ZNF407: variants seen among roughly 807,000 people sequenced by gnomAD.
ZNF407 encodes the protein zinc finger protein 407.
ZNF407 carries 17 observed loss-of-function variants against 131.2 expected under a neutral mutation model. The observed-to-expected ratio is 0.13, with a 90% CI of 0.09 to 0.19. The LOEUF (loss-of-function observed/expected upper bound fraction) is 0.19. Among genes scored for constraint, ZNF407 ranks in the 10% least tolerant of loss-of-function variants. The pLI is 1.00. For missense variants in ZNF407, 2,681 were observed against 2,830.6 expected (o/e 0.95, Z 1.20); for synonymous variants, 1,156 against 1,062.0 (o/e 1.09, Z -1.72).
chr18:75,034,300 G>GT (rs71170337), intron 8 of ZNF407, among the ~76,000 whole-genome samples: 24,216 of 115,330 alleles, frequency 0.21, 3,207 homozygotes, highest in Non-Finnish European at 0.27. Flanking sequence ...TCTGTGTTGG[G>GT]TTTTTTTTTT....
intron 8 of ZNF407, among the ~76,000 whole-genome samples, chr18:74,923,813 T>G (rs1971877611): frequency 6.6e-6 from 1 of 152,210 alleles, no homozygotes; most frequent in Non-Finnish European, 1.5e-5. Context: ...CCCAGATTGC[T>G]TATAAGCAGC....
At chr18:74,895,231 T>G (rs78797974) in intron 7 of ZNF407, among the ~76,000 whole-genome samples, 18,010 of 151,280 alleles carry the variant, frequency 0.12, 1,062 homozygotes, top group Middle Eastern at 0.23. Flanking sequence ...TTTCTTTTTT[T>G]GGTGAGGGGA....
At chr18:74,657,609 C>T (rs1985521116) in intron 3 of ZNF407, among the ~76,000 whole-genome samples, 1 of 152,176 alleles carries the variant, frequency 6.6e-6, no homozygotes, top group Admixed American at 6.5e-5. Flanking sequence ...CTCAACTATA[C>T]AGATGAGAGC....
At chr18:74,882,380 T>C (rs1971250897) in intron 6 of ZNF407, among the ~76,000 whole-genome samples, 1 of 152,202 alleles carries the variant, frequency 6.6e-6, no homozygotes, top group South Asian at 2.1e-4. Context: ...CCTACTTCTC[T>C]TAGGTCTCAT....
intron 8 of ZNF407, among the ~76,000 whole-genome samples, chr18:75,012,931 G>T (rs1293386596): frequency 1.5e-5 from 2 of 135,682 alleles, no homozygotes; most frequent in African/African-American, 5.5e-5. Flanking sequence ...TATTACTAAT[G>T]ATAGAAAGGG....
chr18:74,900,609 G>A (rs1018816497), intron 7 of ZNF407, among the ~76,000 whole-genome samples: 2 of 152,112 alleles, frequency 1.3e-5, no homozygotes, highest in Middle Eastern at 3.2e-3. Context: ...CATCTTTTCT[G>A]TGACTAATTT....
intron 4 of ZNF407, among the ~76,000 whole-genome samples, chr18:74,783,157 C>T (rs1409691050): frequency 6.6e-6 from 1 of 152,090 alleles, no homozygotes; most frequent in African/African-American, 2.4e-5. Flanking sequence ...ACCTTATTAG[C>T]AGTACATTAT....
intron 3 of ZNF407, among the ~76,000 whole-genome samples, chr18:74,726,043 A>G (rs1968150077): frequency 6.6e-6 from 1 of 152,108 alleles, no homozygotes; most frequent in Non-Finnish European, 1.5e-5. Context: ...GTGCCCAGCT[A>G]TTGTAGGGGG....
Position 75,064,564 on chromosome 18 carries a change from A to T in ZNF407, c.*96A>T. 1 of 1,163,150 alleles carries T rather than the reference A, an allele frequency of 8.6e-7. No individual in the cohort carries two copies. The allele number at this position is 1,163,150 out of a possible 1,614,324, so 72.1% of individuals were successfully genotyped here. On this transcript the variant is annotated 3_prime_UTR_variant, in exon 9 of 9. Coordinates refer to ENST00000299687, the MANE Select transcript of ZNF407 (RefSeq NM_017757.3). The stretch of plus-strand genomic sequence containing the variant: ...CTGAGCTTCATCTGAAACCTTCAAA[A>T]CCATGAGGACAAGGCTCCCGTGAGC...
chr18:74,652,518 C>G (rs1985273166), intron 3 of ZNF407, among the ~76,000 whole-genome samples: 1 of 151,842 alleles, frequency 6.6e-6, no homozygotes, highest in African/African-American at 2.4e-5. Flanking sequence ...TATTTTCCCC[C>G]CATGCTGAGA....
intron 3 of ZNF407, among the ~76,000 whole-genome samples, chr18:74,670,279 A>G (rs1338458034): frequency 6.6e-6 from 1 of 152,196 alleles, no homozygotes; most frequent in Non-Finnish European, 1.5e-5. Flanking sequence ...TAACATGTTT[A>G]TTTAGTTTAA....
chr18:74,811,666 C>T (rs1360320515), intron 4 of ZNF407, among the ~76,000 whole-genome samples: 1 of 151,526 alleles, frequency 6.6e-6, no homozygotes, highest in Non-Finnish European at 1.5e-5. Flanking sequence ...AAATGTGGCA[C>T]ATATACACCA....
intron 3 of ZNF407, among the ~76,000 whole-genome samples, chr18:74,740,282 CT>C (rs1968518486): frequency 1.3e-5 from 2 of 152,168 alleles, no homozygotes; most frequent in Admixed American, 6.5e-5. Context: ...TTCAGTCTGC[CT>C]CTCTGATAAG....
intron 3 of ZNF407, among the ~76,000 whole-genome samples, chr18:74,770,460 C>T (rs770043368): frequency 2.0e-5 from 3 of 152,000 alleles, no homozygotes; most frequent in Non-Finnish European, 2.9e-5. Context: ...ACAGAACAAC[C>T]CAGAGCTTGG....
intron 8 of ZNF407, among the ~76,000 whole-genome samples, chr18:75,030,512 A>G (rs1334462004): frequency 6.6e-6 from 1 of 152,250 alleles, no homozygotes; most frequent in African/African-American, 2.4e-5. Flanking sequence ...AAATTTCTGC[A>G]GGCTGATAAA....
intron 3 of ZNF407, among the ~76,000 whole-genome samples, chr18:74,720,189 T>G (rs1159680385): frequency 6.7e-6 from 1 of 148,886 alleles, no homozygotes; most frequent in Non-Finnish European, 1.5e-5. Flanking sequence ...TTTTTTTTTG[T>G]CTTTTTGAGA....
intron 4 of ZNF407, among the ~76,000 whole-genome samples, chr18:74,850,512 C>T (rs1970767192): frequency 6.6e-6 from 1 of 152,200 alleles, no homozygotes; most frequent in African/African-American, 2.4e-5. Context: ...TACCTTATGG[C>T]AGATGCACTC....
intron 8 of ZNF407, among the ~76,000 whole-genome samples, chr18:74,970,487 A>G (rs556402363): frequency 1.3e-5 from 2 of 152,330 alleles, no homozygotes; most frequent in Non-Finnish European, 2.9e-5. Flanking sequence ...AGCCATTCCA[A>G]ATGGGAGAAA....
chr18:74,804,630 C>A, intron 4 of ZNF407: 1 of 981,442 alleles, frequency 1.0e-6, no homozygotes, highest in Non-Finnish European at 1.2e-6. Context: ...TTACTATAGC[C>A]AGTCTCTAAA....
Sources: gnomAD v4.1 joint callset for allele counts (sites outside exome capture counted in the v4.1 genomes callset) on GRCh38, gnomAD v4.1.1 for gene constraint, MANE v1.5 for transcripts, NCBI Gene and HGNC (gene_info 2026-07-23, HGNC 2026-07-21) for gene names.